Variants in ATP10D observed in about 807,000 individuals in gnomAD.
ATP10D encodes phospholipid-transporting ATPase VD.
In ATP10D, 89 loss-of-function variants were observed where a neutral mutation model predicts 144.8. The ratio of observed to expected loss-of-function variants is 0.61; its 90% CI spans 0.52 to 0.73. The LOEUF (loss-of-function observed/expected upper bound fraction) is 0.73, where lower values mean the gene tolerates loss of function less well. Ranked by LOEUF, ATP10D falls within the 30% of genes least tolerant of loss-of-function variation. ATP10D has a pLI of 0.00. For missense variants in ATP10D, 1,603 were observed against 1,714.8 expected (o/e 0.93, Z 1.15); for synonymous variants, 571 against 615.1 (o/e 0.93, Z 1.06).
intron 9 of ATP10D, among the ~76,000 whole-genome samples, chr4:47,539,427 C>A (rs889443783): frequency 2.0e-5 from 3 of 152,022 alleles, no homozygotes; most frequent in African/African-American, 7.2e-5. Context: ...CATCACTAAC[C>A]CCCATCAAAC....
In ATP10D at chr4:47,591,095, C is replaced by G. The variant is rs952386230; in HGVS notation, c.3995C>G (p.Ala1332Gly). 6.2e-7 allele frequency: 1 copy of G among 1,612,764 alleles called. No individual in the cohort carries two copies. Among genetic ancestry groups the G allele is most frequent in the African/African-American group, 1.3e-5 (1 of 74,770 alleles). Residue 1332 changes from alanine to glycine, a missense_variant, in exon 23 of 23, where the codon GCT becomes GGT. Transcript: ENST00000273859. ...CTGTTTCCATCTCCAATTCTGAGAG[C>G]TAAGCACTTTGACAGACTAACTCCA... ...GSLFPSPILR[A>G]KHFDRLTPEE...
chr4:47,503,437 T>C (rs1189594460), intron 1 of ATP10D, among the ~76,000 whole-genome samples: 1 of 152,226 alleles, frequency 6.6e-6, no homozygotes, highest in Non-Finnish European at 1.5e-5. Context: ...GTAAGGGCTA[T>C]GTGCTTCAGT....
At chr4:47,561,542 A>G (rs1182465325) in intron 14 of ATP10D, among the ~76,000 whole-genome samples, 1 of 152,022 alleles carries the variant, frequency 6.6e-6, no homozygotes, top group East Asian at 1.9e-4. Context: ...GCTGACAGTT[A>G]CTCATTAACC....
At position 47,560,961 on chromosome 4, in the gene ATP10D, A is replaced by C. The variant is rs776005074; in HGVS notation, c.2554A>C (p.Thr852Pro). 1.2e-6 allele frequency: 2 copies of C among 1,614,164 alleles called. No individual in the cohort carries two copies. The highest frequency in any genetic ancestry group is 1.7e-6 in the Non-Finnish European group (2 of 1,179,982). The change falls in exon 14 of 23, where the codon ACT (threonine) becomes CCT (proline). Residue 852 changes from threonine (T) to proline (P), a missense_variant. Physicochemically the swap from Thr to Pro is conservative, Grantham distance 38. Transcript: ENST00000273859. ...ATTCTTCCCGTAGGTCATGAGTGACACTGAATATGCAGAGTGGCTGAGGAA... is the reference window on the plus strand; with the variant it reads ...ATTCTTCCCGTAGGTCATGAGTGACCCTGAATATGCAGAGTGGCTGAGGAA... Reference protein sequence around the residue: ...LCIAKKVMSDTEYAEWLRNHF... With the variant: ...LCIAKKVMSDPEYAEWLRNHF...
chr4:47,492,997 C>T (rs1266215567), intron 1 of ATP10D, among the ~76,000 whole-genome samples: 1 of 152,140 alleles, frequency 6.6e-6, no homozygotes, highest in East Asian at 1.9e-4. Flanking sequence ...TTTGATCTTA[C>T]AATTTTTCAG....
chr4:47,497,006 TAA>T (rs920397731), intron 1 of ATP10D, among the ~76,000 whole-genome samples: 16 of 152,114 alleles, frequency 1.1e-4, no homozygotes, highest in Non-Finnish European at 5.9e-5. Context: ...CACAACTGGC[TAA>T]TTTTTGTATT....
At chr4:47,518,866 C>A (rs1214400761) in intron 3 of ATP10D, among the ~76,000 whole-genome samples, 2 of 152,134 alleles carry the variant, frequency 1.3e-5, no homozygotes, top group Admixed American at 6.5e-5. Flanking sequence ...CTGGATATAC[C>A]TGCCTTGTTT....
At chr4:47,563,841 G>A in intron 15 of ATP10D, 76 bp downstream of exon 15, 1 of 1,312,828 alleles carries the variant, frequency 7.6e-7, no homozygotes, top group Non-Finnish European at 1.0e-6. Flanking sequence ...ATGTATGCAA[G>A]GATTAAAAAA....
chr4:47,524,744 C>T (rs1717147030), intron 4 of ATP10D, among the ~76,000 whole-genome samples: 2 of 152,166 alleles, frequency 1.3e-5, no homozygotes, highest in Admixed American at 6.5e-5. Context: ...GTACCTACCT[C>T]ATGGAGTTGT....
intron 9 of ATP10D, among the ~76,000 whole-genome samples, chr4:47,543,955 T>C (rs1718289394): frequency 6.6e-6 from 1 of 152,202 alleles, no homozygotes; most frequent in African/African-American, 2.4e-5. Context: ...GTCTATTGAT[T>C]CATTCATTTA....
At chr4:47,502,937 TA>T (rs1715788523) in intron 1 of ATP10D, among the ~76,000 whole-genome samples, 1 of 152,100 alleles carries the variant, frequency 6.6e-6, no homozygotes, top group African/African-American at 2.4e-5. Flanking sequence ...TGCAGTGGCT[TA>T]CGCCTGTAAT....
In ATP10D at chr4:47,554,775, T is replaced by G. The variant is rs764382228; in HGVS notation, c.1685T>G (p.Ile562Ser). The G allele has an allele frequency of 6.2e-7, 1 of 1,614,056 alleles. No homozygotes were observed. Among genetic ancestry groups the G allele is most frequent in the South Asian group, 1.1e-5 (1 of 91,066 alleles). The stretch of plus-strand genomic sequence containing the variant: ...AGGCTTTTAGACAAATTTAGTCAGA[T>G]TACACCTCGGCTCTTTATGCCACTA... ...DTRLLDKFSQ[I>S]TPRLFMPLDE... is the part of the protein sequence containing the mutation. The change falls in exon 11 of 23, where the codon ATT becomes AGT. Residue 562 changes from isoleucine to serine, a missense_variant. Coordinates refer to ENST00000273859, the MANE Select transcript of ATP10D (RefSeq NM_020453.4).
chr4:47,523,323 G>A, intron 4 of ATP10D, 107 bp downstream of exon 4: 1 of 908,680 alleles, frequency 1.1e-6, no homozygotes, highest in Non-Finnish European at 1.7e-6. Context: ...ATTTTCACCA[G>A]GATGAAATAG....
intron 9 of ATP10D, among the ~76,000 whole-genome samples, chr4:47,546,104 T>TATTA (rs1365866385): frequency 6.6e-6 from 1 of 152,224 alleles, no homozygotes; most frequent in Non-Finnish European, 1.5e-5. Flanking sequence ...GTCTGTTGGA[T>TATTA]ATTACTAAGG....
chr4:47,567,011 A>C (rs555912428), intron 15 of ATP10D, among the ~76,000 whole-genome samples: 1 of 150,972 alleles, frequency 6.6e-6, no homozygotes, highest in Admixed American at 6.6e-5. Flanking sequence ...AAGCAGAAAG[A>C]TGCAAAAAAT....
intron 1 of ATP10D, among the ~76,000 whole-genome samples, chr4:47,509,851 T>C (rs1577625595): frequency 6.6e-6 from 1 of 152,130 alleles, no homozygotes; most frequent in Non-Finnish European, 1.5e-5. Flanking sequence ...GCATCCTAAC[T>C]AGTACTAATA....
chr4:47,496,559 T>C (rs1036082235), intron 1 of ATP10D, among the ~76,000 whole-genome samples: 1 of 152,126 alleles, frequency 6.6e-6, no homozygotes, highest in African/African-American at 2.4e-5. Flanking sequence ...GTAAGACAAG[T>C]AAGAGCAGGT....
chr4:47,513,289 T>C (rs1014333878), intron 2 of ATP10D, among the ~76,000 whole-genome samples: 10 of 152,218 alleles, frequency 6.6e-5, no homozygotes, highest in Non-Finnish European at 1.3e-4. Context: ...TTCAACTTAA[T>C]ATCTCATTCA....
intron 13 of ATP10D, among the ~76,000 whole-genome samples, chr4:47,559,527 G>A (rs1261387043): frequency 6.6e-6 from 1 of 152,074 alleles, no homozygotes; most frequent in Non-Finnish European, 1.5e-5. Context: ...ATTCTTTATT[G>A]AGAATGCATA....
Sources: allele counts gnomAD v4.1 joint callset (sites outside exome capture counted in the v4.1 genomes callset), GRCh38; gene constraint gnomAD v4.1.1; transcripts MANE v1.5; gene names NCBI Gene and HGNC (gene_info 2026-07-23, HGNC 2026-07-21).